The following USP9Y variants were observed in gnomAD, a reference collection of about 807,000 sequenced individuals.
USP9Y encodes the protein ubiquitin specific peptidase 9 Y-linked.
In USP9Y, 41 loss-of-function variants were observed where a neutral mutation model predicts 53.1. That is an observed-to-expected ratio of 0.77 (90% CI 0.60 to 1.00). The LOEUF (loss-of-function observed/expected upper bound fraction) is 1.00, where lower values mean the gene tolerates loss of function less well. Ranked by LOEUF, USP9Y falls within the 50% of genes least tolerant of loss-of-function variation. The probability of loss-of-function intolerance (pLI) is 0.00; values close to 1 mark genes in which losing one functional copy is unlikely to be tolerated. For missense variants in USP9Y, 567 were observed against 535.8 expected (o/e 1.06, Z -0.58); for synonymous variants, 220 against 173.7 (o/e 1.27, Z -2.09).
intron 15 of USP9Y, among the ~76,000 whole-genome samples, chrY:12,768,948 T>C: frequency 3.0e-5 from 1 of 33,151 alleles, no homozygotes; most frequent in African/African-American, 1.2e-4. Context: ...TAGTTCATTG[T>C]ATTATTTTTG....
At chrY:12,842,734 T>G (rs2148292264) in intron 38 of USP9Y, among the ~76,000 whole-genome samples, 1 of 33,557 alleles carries the variant, frequency 3.0e-5, no homozygotes, top group South Asian at 6.5e-4. Flanking sequence ...TTTTTAAGAT[T>G]TATTTTTATA....
chrY:12,770,880 G>A (rs943073921), intron 15 of USP9Y, among the ~76,000 whole-genome samples, 188 bp from the exon 16 acceptor site: 1 of 33,547 alleles, frequency 3.0e-5, no homozygotes, highest in Non-Finnish European at 7.4e-5. Context: ...AACGTGTTCA[G>A]CAAGTTATAT....
intron 1 of USP9Y, among the ~76,000 whole-genome samples, chrY:12,703,121 G>A: frequency 3.4e-4 from 11 of 32,231 alleles, no homozygotes; most frequent in Admixed American, 2.5e-3. Context: ...GTGCAGTGGC[G>A]CAATCTTGGC....
chrY:12,826,553 C>T, intron 33 of USP9Y, among the ~76,000 whole-genome samples: 1 of 25,920 alleles, frequency 3.9e-5, no homozygotes, highest in East Asian at 9.9e-4. Flanking sequence ...CACTGCACTC[C>T]AGCCTGGACA....
rs2053434702 is a variant in USP9Y at position 12,720,600 on chromosome Y, T to G, written c.108T>G (p.Pro36=). 3 of 394,270 alleles carry G rather than the reference T, an allele frequency of 7.6e-6. No individual in the cohort carries two copies. The highest frequency in any genetic ancestry group is 1.1e-5 in the Non-Finnish European group (3 of 281,499). ...AATTTTTAATTAAGACTTCATCACC[T>G]GATTCTTCCAATGAGAATTCCGTAG... ...HLFQQNQTSS[P]DSSNENSVAT... The change falls in exon 4 of 46, where the codon CCT becomes CCG. Residue 36 remains proline, a synonymous_variant. Transcript: ENST00000338981.
chrY:12,830,023 T>G, intron 33 of USP9Y, among the ~76,000 whole-genome samples: 1 of 33,590 alleles, frequency 3.0e-5, no homozygotes, highest in Non-Finnish European at 7.4e-5. Flanking sequence ...CAAAATGAAC[T>G]GAGGACTAAG....
intron 33 of USP9Y, among the ~76,000 whole-genome samples, chrY:12,823,495 G>A: frequency 3.1e-5 from 1 of 32,771 alleles, no homozygotes; most frequent in Non-Finnish European, 7.5e-5. Flanking sequence ...TCATTGTTAT[G>A]TTTTGTTTTC....
chrY:12,725,345 A>G, intron 6 of USP9Y, 120 bp downstream of exon 6: 2 of 158,493 alleles, frequency 1.3e-5, no homozygotes, highest in Non-Finnish European at 2.3e-5. Context: ...TATATACTGC[A>G]TAATTGAAGG....
rs371355415 is a variant in USP9Y at position 12,786,488 on chromosome Y, T to C, written c.3283-34T>C. On this transcript the variant is annotated intron_variant, in intron 23 of 45. Transcript: ENST00000338981. ...TACTAAGTTTTTTTTTAAATCCCTT[T>C]TAATATACTCTCCTTTTTTTTTTTT... 3 of 377,170 alleles carry C rather than the reference T, an allele frequency of 8.0e-6. No individual in the cohort carries two copies. In the African/African-American group the frequency reaches 2.4e-4, roughly 31 times the overall value. 94.1% of individuals were successfully genotyped at this position (377,170 alleles called of 400,897 possible).
chrY:12,740,941 C>T (rs2053456724), intron 12 of USP9Y, among the ~76,000 whole-genome samples: 2 of 31,808 alleles, frequency 6.3e-5, no homozygotes, highest in Admixed American at 2.9e-4. Context: ...TGACTGGGAA[C>T]GGTGTCTTAG....
chrY:12,840,231 T>G lies in USP9Y; in HGVS notation c.5705T>G (p.Phe1902Cys). The change falls in exon 36 of 46, where the codon TTT becomes TGT. Residue 1902 changes from phenylalanine (F) to cysteine (C), a missense_variant. Phe to Cys is a radical substitution (Grantham distance 205). Coordinates refer to ENST00000338981, the MANE Select transcript of USP9Y (RefSeq NM_004654.4). Reference sequence around the variant, plus strand: ...GATCAGACAGATCACTGGTATAAATTTGATGATGGAGATGTAACAGAATGC... The same window carrying G: ...GATCAGACAGATCACTGGTATAAATGTGATGATGGAGATGTAACAGAATGC... ...KDDQTDHWYK[F>C]DDGDVTECKM... The G allele has an allele frequency of 2.5e-6, 1 of 398,302 alleles. No individual in the cohort carries two copies. The highest frequency in any genetic ancestry group is 3.5e-6 in the Non-Finnish European group (1 of 283,449).
chrY:12,848,422 G>A, intron 42 of USP9Y, among the ~76,000 whole-genome samples: 1 of 33,142 alleles, frequency 3.0e-5, no homozygotes, highest in Admixed American at 2.7e-4. Context: ...TAGGTTGCCT[G>A]TTCACTATGA....
intron 42 of USP9Y, 121 bp downstream of exon 42, chrY:12,847,448 C>A: frequency 1.2e-5 from 2 of 168,211 alleles, no homozygotes; most frequent in African/African-American, 9.0e-5. Flanking sequence ...TCTTTAAAAA[C>A]ATATGAAGAA....
chrY:12,739,664 T>C, intron 12 of USP9Y, 35 bp downstream of exon 12: 1 of 282,434 alleles, frequency 3.5e-6, no homozygotes, highest in East Asian at 9.9e-5. Flanking sequence ...TGCCAAATAG[T>C]AAATATTGCC....
At chrY:12,769,450 A>G in intron 15 of USP9Y, among the ~76,000 whole-genome samples, 1 of 34,117 alleles carries the variant, frequency 2.9e-5, no homozygotes. Flanking sequence ...TACAAGGTCC[A>G]AGAGATGTAT....
rs1357420485 is a variant in USP9Y, at chrY:12,842,388, A to G, written c.6361A>G (p.Ile2121Val). Residue 2121 changes from isoleucine to valine, a missense_variant, in exon 38 of 46, where the codon ATA becomes GTA. Coordinates refer to ENST00000338981, the MANE Select transcript of USP9Y (RefSeq NM_004654.4). Reference sequence around the variant, plus strand: ...AGTGAGGGGTGCATTTGCAAAACTTATAGTGTTTATTGCACACTTTTCCTT... The same window carrying G: ...AGTGAGGGGTGCATTTGCAAAACTTGTAGTGTTTATTGCACACTTTTCCTT... ...AEVRGAFAKLIVFIAHFSLQD... is the reference protein window; with the variant it reads ...AEVRGAFAKLVVFIAHFSLQD... The G allele has an allele frequency of 1.3e-5, 5 of 397,787 alleles. No individual in the cohort carries two copies. In the East Asian group the frequency reaches 4.6e-4, roughly 37 times the overall value.
rs1313914018 is a variant in USP9Y, at chrY:12,859,719, A to C, written c.*303A>C. 1 of 23,161 alleles carries C rather than the reference A, an allele frequency of 4.3e-5. No individual in the cohort carries two copies. The highest frequency in any genetic ancestry group is 1.0e-4 in the Non-Finnish European group (1 of 9,675). The allele number at this position is 23,161 out of a possible 400,897, so 5.8% of individuals were successfully genotyped here. A position where few individuals can be genotyped will look rare whatever the true frequency, so the allele number is the denominator to read the frequency against. On this transcript the variant is annotated 3_prime_UTR_variant, in exon 46 of 46. Coordinates refer to ENST00000338981, the MANE Select transcript of USP9Y (RefSeq NM_004654.4). ...GCAAGAAACTTTTTTTGATGAAAACAAGTCAGATCTACACAGTCACACAAT... is the reference window on the plus strand; with the variant it reads ...GCAAGAAACTTTTTTTGATGAAAACCAGTCAGATCTACACAGTCACACAAT...
intron 3 of USP9Y, among the ~76,000 whole-genome samples, chrY:12,720,346 T>A: frequency 3.1e-5 from 1 of 32,047 alleles, no homozygotes; most frequent in Non-Finnish European, 7.6e-5. Flanking sequence ...TTAGTTACAG[T>A]GAGCCGAGAT....
At chrY:12,759,022 A>G (rs2053472468) in intron 14 of USP9Y, among the ~76,000 whole-genome samples, 2 of 33,312 alleles carry the variant, frequency 6.0e-5, no homozygotes, top group African/African-American at 2.3e-4. Context: ...TATTCCTTGT[A>G]GTTACAAATA....
Sources: allele counts gnomAD v4.1 joint callset (sites outside exome capture counted in the v4.1 genomes callset), GRCh38; gene constraint gnomAD v4.1.1; transcripts MANE v1.5; gene names NCBI Gene and HGNC (gene_info 2026-07-23, HGNC 2026-07-21).